Variants in WT1 observed in about 807,000 individuals in gnomAD.
WT1 encodes WT1 transcription factor, also known as Wilms tumor protein.
A neutral mutation model predicts 60.8 loss-of-function variants in WT1; 8 were observed. That is an observed-to-expected ratio of 0.13 (90% CI 0.08 to 0.24). The LOEUF (loss-of-function observed/expected upper bound fraction) is 0.24. WT1 is among the 10% of genes least tolerant of loss of function. The pLI is 1.00. For missense variants in WT1, 568 were observed against 711.8 expected (o/e 0.80, Z 2.30); for synonymous variants, 312 against 297.1 (o/e 1.05, Z -0.52).
At chr11:32,425,406 A>G (rs953971321) in intron 3 of WT1, among the ~76,000 whole-genome samples, 1 of 152,206 alleles carries the variant, frequency 6.6e-6, no homozygotes, top group Admixed American at 6.5e-5. Context: ...TTAAGCAATT[A>G]AAGTTTAGTC....
chr11:32,428,742 G>A lies in WT1; in HGVS notation c.662-123C>T, dbSNP rs1382267837. 7.4e-6 allele frequency: 11 copies of A among 1,476,740 alleles called. No individual in the cohort carries two copies. The East Asian group carries it at 2.7e-4, about 36-fold the overall frequency. The allele number at this position is 1,476,740 out of a possible 1,614,324, so 91.5% of individuals were successfully genotyped here. ...ACCCCGCATTCGGACCCCCAGCGGAGGAGAATCCAGCCCCACAAGCCTCCA... is the reference window on the plus strand; with the variant it reads ...ACCCCGCATTCGGACCCCCAGCGGAAGAGAATCCAGCCCCACAAGCCTCCA... On this transcript the variant is annotated intron_variant, in intron 1 of 9. Transcript: ENST00000452863.
In WT1 at chr11:32,400,064, A is replaced by G. The variant is rs774547006; in HGVS notation, c.1017-20T>C. ...CTGTGGCTGCAAACACAAAGAAGGG[A>G]AAAAGGCTCAGTGTGGCTCACAGTC... is the stretch of plus-strand genomic sequence containing the variant. On this transcript the variant is annotated intron_variant, in intron 5 of 9. Coordinates refer to ENST00000452863, the MANE Select transcript of WT1 (RefSeq NM_024426.6). 6.2e-7 allele frequency: 1 copy of G among 1,612,024 alleles called. No homozygotes were observed. The highest frequency in any genetic ancestry group is 8.5e-7 in the Non-Finnish European group (1 of 1,178,418).
chr11:32,397,888 A>G (rs959347828), intron 6 of WT1, among the ~76,000 whole-genome samples: 2 of 152,156 alleles, frequency 1.3e-5, no homozygotes, highest in African/African-American at 4.8e-5. Context: ...AATACTCAAT[A>G]CCTGTCTGGT....
chr11:32,419,564 A>G (rs1852786541), intron 3 of WT1, among the ~76,000 whole-genome samples: 1 of 152,252 alleles, frequency 6.6e-6, no homozygotes, highest in South Asian at 2.1e-4. Flanking sequence ...AAGATGAGTG[A>G]CAGACGCTGA....
chr11:32,410,743 T>C (rs964500328), intron 5 of WT1, among the ~76,000 whole-genome samples: 7 of 152,214 alleles, frequency 4.6e-5, no homozygotes, highest in Non-Finnish European at 8.8e-5. Flanking sequence ...CATACAGAAC[T>C]ACATCTGTTG....
chr11:32,434,777 G>C lies in WT1; in HGVS notation c.584C>G (p.Ser195Cys), dbSNP rs778194188. 5.0e-6 allele frequency: 8 copies of C among 1,612,580 alleles called. No homozygotes were observed. The highest frequency in any genetic ancestry group is 4.5e-5 in the East Asian group (2 of 44,884). ...GTTAGGAAACATCCTGGCCTGGCCG[G>C]ATGACGCCTGGCTGGGCGGAGGAGG... is the stretch of plus-strand genomic sequence containing the variant. Residue 195 changes from serine to cysteine, a missense_variant, in exon 1 of 10, where the codon TCC becomes TGC. By Grantham distance (112) the Ser-to-Cys change is moderately radical. Transcript: ENST00000452863.
At chr11:32,396,827 G>C (rs1029166561) in intron 6 of WT1, among the ~76,000 whole-genome samples, 3 of 152,174 alleles carry the variant, frequency 2.0e-5, no homozygotes, top group African/African-American at 7.2e-5. Context: ...ACATGACCTA[G>C]AGCCAGTCTG....
intron 3 of WT1, 122 bp downstream of exon 3, chr11:32,427,834 G>T: frequency 1.3e-6 from 1 of 774,744 alleles, no homozygotes; most frequent in Non-Finnish European, 2.0e-6. Flanking sequence ...GGCGTCTCGT[G>T]CCTCCAAGAC....
At chr11:32,429,734 A>T (rs1853206841) in intron 1 of WT1, among the ~76,000 whole-genome samples, 1 of 152,040 alleles carries the variant, frequency 6.6e-6, no homozygotes, top group Admixed American at 6.6e-5. Context: ...GGATCCTGGC[A>T]GGGCCACCCC....
chr11:32,405,479 A>G (rs943924906), intron 5 of WT1, among the ~76,000 whole-genome samples: 20 of 148,944 alleles, frequency 1.3e-4, no homozygotes, highest in Non-Finnish European at 2.5e-4. Flanking sequence ...TAATATACAT[A>G]TATGTTATAT....
At chr11:32,419,896 G>A (rs1852799744) in intron 3 of WT1, among the ~76,000 whole-genome samples, 1 of 152,140 alleles carries the variant, frequency 6.6e-6, no homozygotes, top group Non-Finnish European at 1.5e-5. Flanking sequence ...GTTTCACCAT[G>A]TTGGTCAGGC....
chr11:32,430,865 G>A (rs1479427778), intron 1 of WT1: 7 of 1,216,626 alleles, frequency 5.8e-6, no homozygotes, highest in South Asian at 3.3e-5. Context: ...TCGGACACGG[G>A]TTTGATTAGA....
chr11:32,433,295 G>T (rs1171402059), intron 1 of WT1, among the ~76,000 whole-genome samples: 1 of 152,218 alleles, frequency 6.6e-6, no homozygotes, highest in Non-Finnish European at 1.5e-5. Flanking sequence ...GTCTGCTTGC[G>T]GTTCCTCCAC....
At chr11:32,394,848 C>T (rs1046147580) in intron 7 of WT1, among the ~76,000 whole-genome samples, 2 of 152,232 alleles carry the variant, frequency 1.3e-5, no homozygotes, top group Non-Finnish European at 1.5e-5. Flanking sequence ...GTCTAACCCT[C>T]ACTGCATTCT....
chr11:32,399,598 C>A (rs940815485), intron 6 of WT1, among the ~76,000 whole-genome samples: 1 of 152,142 alleles, frequency 6.6e-6, no homozygotes, highest in Admixed American at 6.5e-5. Flanking sequence ...CGATGTAGAC[C>A]AAATCTTAGA....
rs559617712 is a variant in WT1 at position 32,427,253 on chromosome 11, A to C, written c.887+703T>G. Among the ~76,000 whole-genome samples the C allele has an allele frequency of 8.9e-4, 135 of 152,344 alleles. 2 individuals carry two copies. Among genetic ancestry groups the C allele is most frequent in the Middle Eastern group, 6.8e-3 (2 of 294 alleles). ...GGCCAAGTTCACCCAAAGTTGAAGA[A>C]AAAATTTGGGGGAGAGAAGGTGGAG... is the stretch of plus-strand genomic sequence containing the variant. On this transcript the variant is annotated intron_variant, in intron 3 of 9. Transcript: ENST00000452863.
At chr11:32,426,383 G>C (rs1183399876) in intron 3 of WT1, among the ~76,000 whole-genome samples, 1 of 152,222 alleles carries the variant, frequency 6.6e-6, no homozygotes, top group African/African-American at 2.4e-5. Context: ...TACACAAGAA[G>C]AATGGCAATG....
At chr11:32,419,853 C>T (rs967727101) in intron 3 of WT1, among the ~76,000 whole-genome samples, 6 of 152,164 alleles carry the variant, frequency 3.9e-5, no homozygotes, top group African/African-American at 1.4e-4. Context: ...GCCACCATGC[C>T]CGGCTAATTT....
chr11:32,422,356 G>A (rs892584284), intron 3 of WT1, among the ~76,000 whole-genome samples: 12 of 152,236 alleles, frequency 7.9e-5, no homozygotes, highest in African/African-American at 1.7e-4. Flanking sequence ...CCCTGGAGAC[G>A]AGTTTAATTC....
Sources: allele counts gnomAD v4.1 joint callset (sites outside exome capture counted in the v4.1 genomes callset), GRCh38; gene constraint gnomAD v4.1.1; transcripts MANE v1.5; gene names NCBI Gene and HGNC (gene_info 2026-07-23, HGNC 2026-07-21).